The following FMNL2 variants were observed in gnomAD, a reference collection of about 807,000 sequenced individuals.
The protein encoded by FMNL2 is formin like 2, also known as formin-like protein 2.
FMNL2 carries 51 observed loss-of-function variants against 130.2 expected under a neutral mutation model. The ratio of observed to expected loss-of-function variants is 0.39; its 90% CI spans 0.31 to 0.49. The LOEUF (loss-of-function observed/expected upper bound fraction) is 0.49. Ranked by LOEUF, FMNL2 falls within the 20% of genes least tolerant of loss-of-function variation. The pLI, the probability that FMNL2 is intolerant of heterozygous loss-of-function variation, is 0.85. For synonymous variants in FMNL2, 465 were observed against 467.1 expected (o/e 1.00, Z 0.06); for missense variants, 977 against 1,316.2 (o/e 0.74, Z 3.99).
chr2:152,495,956 C>G (rs1691497522), intron 1 of FMNL2, among the ~76,000 whole-genome samples: 1 of 152,022 alleles, frequency 6.6e-6, no homozygotes, highest in African/African-American at 2.4e-5. Context: ...CTTCTATCAG[C>G]CCATACCTTA....
At chr2:152,390,108 G>T (rs1221467148) in intron 1 of FMNL2, 2 of 1,408,880 alleles carry the variant, frequency 1.4e-6, no homozygotes. Context: ...GGAGGACAAA[G>T]GAAAACTGAA....
chr2:152,354,777 T>G (rs915834984), intron 1 of FMNL2, among the ~76,000 whole-genome samples: 1 of 152,214 alleles, frequency 6.6e-6, no homozygotes, highest in African/African-American at 2.4e-5. Context: ...GTTGGTGAGA[T>G]AAAAGAATAT....
At chr2:152,557,244 C>T (rs949842354) in intron 4 of FMNL2, among the ~76,000 whole-genome samples, 5 of 152,124 alleles carry the variant, frequency 3.3e-5, no homozygotes, top group Non-Finnish European at 5.9e-5. Flanking sequence ...GAAACTTCAG[C>T]CTCCACCAGT....
At chr2:152,574,818 AG>A (rs1696387830) in intron 6 of FMNL2, among the ~76,000 whole-genome samples, 1 of 152,214 alleles carries the variant, frequency 6.6e-6, no homozygotes, top group African/African-American at 2.4e-5. Context: ...AGGAAGGGGA[AG>A]AACTTCAGAT....
At chr2:152,555,370 A>G (rs745360466) in intron 4 of FMNL2, among the ~76,000 whole-genome samples, 2 of 152,108 alleles carry the variant, frequency 1.3e-5, no homozygotes, top group African/African-American at 2.4e-5. Context: ...TCAGTTCCCA[A>G]CATATGTCTG....
intron 1 of FMNL2, among the ~76,000 whole-genome samples, chr2:152,409,519 G>A (rs1230569801): frequency 6.6e-6 from 1 of 152,186 alleles, no homozygotes; most frequent in Admixed American, 6.5e-5. Flanking sequence ...TGTGAGTGAG[G>A]TCATGGAGAA....
chr2:152,534,694 A>G (rs1443591425), intron 2 of FMNL2, among the ~76,000 whole-genome samples: 1 of 151,910 alleles, frequency 6.6e-6, no homozygotes, highest in African/African-American at 2.4e-5. Context: ...TTTTGTTTGA[A>G]AGGCATTCCT....
At chr2:152,395,916 C>T (rs1483509020) in intron 1 of FMNL2, among the ~76,000 whole-genome samples, 2 of 151,532 alleles carry the variant, frequency 1.3e-5, no homozygotes, top group Admixed American at 6.6e-5. Flanking sequence ...GGCGGGGCGG[C>T]GGCAGGCAAA....
rs764238466 is a variant in FMNL2 at position 152,632,115 on chromosome 2, T to C, written c.2658T>C (p.His886=). 7 of 1,611,764 alleles carry C rather than the reference T, an allele frequency of 4.3e-6. No individual in the cohort carries two copies. The highest frequency in any genetic ancestry group is 5.9e-6 in the Non-Finnish European group (7 of 1,178,980). ...HQVSLFYNEL[H]YVEKAAAVSL... is the part of the protein sequence containing the mutation. ...TGTCCCTGTTTTATAATGAGCTTCA[T>C]TATGTGGAAAAAGCTGCTGCAGGTA... Residue 886 remains histidine (H), a synonymous_variant, in exon 21 of 26, where the codon CAT becomes CAC. Coordinates refer to ENST00000288670, the MANE Select transcript of FMNL2 (RefSeq NM_052905.4).
chr2:152,587,405 C>T (rs778709573), intron 9 of FMNL2, among the ~76,000 whole-genome samples: 4 of 152,198 alleles, frequency 2.6e-5, no homozygotes, highest in East Asian at 1.9e-4. Context: ...CAGTAAGTCT[C>T]GTACCTCAGT....
At chr2:152,375,877 C>CTCTCTCTCTCTCTATATATATATATATA (rs796954245) in intron 1 of FMNL2, among the ~76,000 whole-genome samples, 1 of 112,482 alleles carries the variant, frequency 8.9e-6, no homozygotes, top group African/African-American at 3.5e-5. Flanking sequence ...CTCTCTCTCT[C>CTCTCTCTCTCTCTATATATATATATATA]TATATATATA....
In FMNL2 at chr2:152,504,449, G is replaced by A. The variant is rs192335038; in HGVS notation, c.118-17494G>A. ...TTTCGTAGAGATGGGGTTTCACCAT[G>A]TTGGTCAGGCTGGTCTCGAATTCCT... On this transcript the variant is annotated intron_variant, in intron 1 of 25. Transcript: ENST00000288670. 4.3e-4 allele frequency among the ~76,000 whole-genome samples: 66 copies of A among 152,018 alleles called. No individual in the cohort carries two copies. The East Asian group carries it at 0.011, about 25-fold the overall frequency.
chr2:152,412,499 T>TATAA (rs1686376127), intron 1 of FMNL2, among the ~76,000 whole-genome samples: 2 of 86,714 alleles, frequency 2.3e-5, no homozygotes, highest in African/African-American at 4.9e-5. Flanking sequence ...TATATATATA[T>TATAA]ATAAATTAGA....
rs767665253 is a variant in FMNL2, at chr2:152,625,357, T to G, written c.1838-81T>G. ...CTTCCTCCAGTGTCAAAGTGTCATC[T>G]GCAAGGACTGTTGTCTGATTGTTCC... On this transcript the variant is annotated intron_variant, in intron 15 of 25. Coordinates refer to ENST00000288670, the MANE Select transcript of FMNL2 (RefSeq NM_052905.4). 481 of 1,500,030 alleles carry G rather than the reference T, an allele frequency of 3.2e-4. 2 individuals carry two copies. The highest frequency in any genetic ancestry group is 4.2e-4 in the Non-Finnish European group (462 of 1,108,336). 92.9% of individuals were successfully genotyped at this position (1,500,030 alleles called of 1,614,324 possible).
intron 21 of FMNL2, among the ~76,000 whole-genome samples, chr2:152,632,371 G>A (rs1338979638): frequency 1.3e-5 from 2 of 152,290 alleles, no homozygotes; most frequent in Non-Finnish European, 2.9e-5. Flanking sequence ...GCCACTGAGC[G>A]TCATGTCCCT....
rs1697797658 is a variant in FMNL2, at chr2:152,596,855, T to C, written c.877-10484T>C. Among the ~76,000 whole-genome samples, 5 of 152,240 alleles carry C rather than the reference T, an allele frequency of 3.3e-5. No individual in the cohort carries two copies. The South Asian group carries it at 1.0e-3, about 32-fold the overall frequency. ...AATAGTGGGCATTCTTCTTTGATAC[T>C]ATACAAACACTAGACAAGTAGTAAT... On this transcript the variant is annotated intron_variant, in intron 9 of 25. Coordinates refer to ENST00000288670, the MANE Select transcript of FMNL2 (RefSeq NM_052905.4).
At chr2:152,453,243 A>G (rs1477170537) in intron 1 of FMNL2, among the ~76,000 whole-genome samples, 1 of 151,974 alleles carries the variant, frequency 6.6e-6, no homozygotes, top group Non-Finnish European at 1.5e-5. Context: ...TACAGAAAGA[A>G]AGAAAATACG....
At chr2:152,422,902 C>T (rs999911566) in intron 1 of FMNL2, among the ~76,000 whole-genome samples, 4 of 152,142 alleles carry the variant, frequency 2.6e-5, no homozygotes, top group Admixed American at 6.5e-5. Flanking sequence ...TTCCATTGCC[C>T]CAAAAGAAAC....
At chr2:152,492,440 A>C (rs1293954955) in intron 1 of FMNL2, among the ~76,000 whole-genome samples, 1 of 152,230 alleles carries the variant, frequency 6.6e-6, no homozygotes, top group Non-Finnish European at 1.5e-5. Flanking sequence ...GGCTTTGTCA[A>C]CTCAGTTCTC....
Sources: allele counts gnomAD v4.1 joint callset (sites outside exome capture counted in the v4.1 genomes callset), GRCh38; gene constraint gnomAD v4.1.1; transcripts MANE v1.5; gene names NCBI Gene and HGNC (gene_info 2026-07-23, HGNC 2026-07-21).